NSD1: variants seen among roughly 807,000 people sequenced by gnomAD.
The protein encoded by NSD1 is nuclear receptor binding SET domain protein 1.
A neutral mutation model predicts 242.7 loss-of-function variants in NSD1; 26 were observed. The ratio of observed to expected loss-of-function variants is 0.11; its 90% CI spans 0.08 to 0.15. The LOEUF (loss-of-function observed/expected upper bound fraction) is 0.15, where lower values mean the gene tolerates loss of function less well. Ranked by LOEUF, NSD1 falls within the 10% of genes least tolerant of loss-of-function variation. The pLI, the probability that NSD1 is intolerant of heterozygous loss-of-function variation, is 1.00. For missense variants in NSD1, 2,495 were observed against 3,272.8 expected (o/e 0.76, Z 5.80); for synonymous variants, 1,106 against 1,178.1 (o/e 0.94, Z 1.25).
At position 177,136,040 on chromosome 5, in the gene NSD1, T is replaced by A. The variant is rs1315054304; in HGVS notation, c.927+10T>A. 3 of 1,610,766 alleles carry A rather than the reference T, an allele frequency of 1.9e-6. No homozygotes were observed. Among genetic ancestry groups the A allele is most frequent in the Non-Finnish European group, 2.5e-6 (3 of 1,177,280 alleles). On this transcript the variant is annotated intron_variant, in intron 2 of 22. Coordinates refer to ENST00000439151, the MANE Select transcript of NSD1 (RefSeq NM_022455.5). The stretch of plus-strand genomic sequence containing the variant: ...ACAGGAATTGCCATTTGTAAGCAGT[T>A]TTTGGTACAACTTAAATATATACAT...
intron 22 of NSD1, among the ~76,000 whole-genome samples, chr5:177,293,480 A>G (rs76756800): frequency 0.048 from 7,309 of 151,920 alleles, 196 homozygotes; most frequent in South Asian, 0.082. Context: ...GCAAAAATAT[A>G]AAAGTAATAT....
chr5:177,221,760 C>T (rs760949330), intron 5 of NSD1, among the ~76,000 whole-genome samples: 36 of 151,892 alleles, frequency 2.4e-4, no homozygotes, highest in Admixed American at 3.9e-4. Flanking sequence ...TTAGCCACTG[C>T]GCCTGCCCTG....
chr5:177,141,300 G>A (rs908482536), intron 2 of NSD1, among the ~76,000 whole-genome samples: 57 of 145,962 alleles, frequency 3.9e-4, no homozygotes, highest in Non-Finnish European at 7.3e-4. Flanking sequence ...GATTACAGGC[G>A]TGAGCCACCG....
chr5:177,292,489 CATAG>C (rs1255733774), intron 22 of NSD1, among the ~76,000 whole-genome samples: 2 of 152,072 alleles, frequency 1.3e-5, no homozygotes, highest in African/African-American at 2.4e-5. Context: ...ATCTTTCACA[CATAG>C]ATAGAGGAGC....
At chr5:177,293,363 T>G (rs1277037291) in intron 22 of NSD1, among the ~76,000 whole-genome samples, 1 of 152,198 alleles carries the variant, frequency 6.6e-6, no homozygotes, top group Non-Finnish European at 1.5e-5. Flanking sequence ...TTTCATGATT[T>G]TATATCTTTT....
In NSD1 at chr5:177,293,533, C is replaced by G. The variant is rs577178982; in HGVS notation, c.6464-299C>G. 2.4e-4 allele frequency among the ~76,000 whole-genome samples: 32 copies of G among 133,726 alleles called. 1 individual carries two copies. The highest frequency in any genetic ancestry group is 6.6e-5 in the Non-Finnish European group (4 of 60,192). The allele number at this position is 133,726 out of a possible 152,430, so 87.7% of individuals were successfully genotyped here. ...AGAAACTTTTTGTTGTCCCCACCCCCGCCCCCCCCTCACCTCCTTGCTGGA... is the reference window on the plus strand; with the variant it reads ...AGAAACTTTTTGTTGTCCCCACCCCGGCCCCCCCCTCACCTCCTTGCTGGA... On this transcript the variant is annotated intron_variant, in intron 22 of 22. Coordinates refer to ENST00000439151, the MANE Select transcript of NSD1 (RefSeq NM_022455.5).
Position 177,210,985 on chromosome 5 carries a change from C to T in NSD1, c.2586C>T (p.Ser862=), listed in dbSNP as rs752997132. Residue 862 remains serine, a synonymous_variant, in exon 5 of 23, where the codon TCC becomes TCT. Transcript: ENST00000439151. ...CAGCAGTGGTGAAACATGTTTTATC[C>T]GAGTTGAAGGAACTCTCTTACAGAT... ...IETAVVKHVL[S]ELKELSYRSL... is the part of the protein sequence containing the mutation. The T allele has an allele frequency of 1.1e-5, 17 of 1,613,966 alleles. No homozygotes were observed. In the African/African-American group the frequency reaches 1.3e-4, roughly 13 times the overall value.
intron 5 of NSD1, among the ~76,000 whole-genome samples, chr5:177,218,521 A>G (rs1581351017): frequency 1.3e-5 from 2 of 149,434 alleles, no homozygotes; most frequent in Admixed American, 1.3e-4. Context: ...CTATTTTTGA[A>G]CCATCGTTGC....
chr5:177,181,362 G>C (rs1760654738), intron 2 of NSD1, among the ~76,000 whole-genome samples: 1 of 149,486 alleles, frequency 6.7e-6, no homozygotes, highest in African/African-American at 2.5e-5. Flanking sequence ...ATGCTACAGA[G>C]AAATCAGGAA....
intron 5 of NSD1, among the ~76,000 whole-genome samples, chr5:177,216,952 T>TG (rs1202837323): frequency 2.6e-5 from 4 of 151,860 alleles, no homozygotes; most frequent in African/African-American, 4.8e-5. Context: ...CCTTCAGTTT[T>TG]TTTTTTTTTT....
chr5:177,289,493 T>C (rs1759606254), intron 21 of NSD1, among the ~76,000 whole-genome samples: 2 of 152,160 alleles, frequency 1.3e-5, no homozygotes, highest in Admixed American at 6.5e-5. Context: ...TGCTGTGAAA[T>C]AGGACCTTAT....
intron 3 of NSD1, among the ~76,000 whole-genome samples, chr5:177,196,253 A>G (rs149776791): frequency 1.9e-3 from 294 of 152,304 alleles, no homozygotes; most frequent in African/African-American, 6.6e-3. Flanking sequence ...TGTTATTTTT[A>G]TCTCAGAAAC....
chr5:177,252,962 G>A (rs1756127313), intron 12 of NSD1, among the ~76,000 whole-genome samples: 1 of 152,086 alleles, frequency 6.6e-6, no homozygotes, highest in Non-Finnish European at 1.5e-5. Context: ...AATGGTCAGT[G>A]ACACTACCTG....
intron 3 of NSD1, among the ~76,000 whole-genome samples, chr5:177,201,895 G>A (rs1342463143): frequency 6.6e-6 from 1 of 151,598 alleles, no homozygotes; most frequent in Non-Finnish European, 1.5e-5. Context: ...AGCCTGGCGC[G>A]GTGGCTCACG....
In NSD1 at chr5:177,200,356, G is replaced by A. The variant is rs544760362; in HGVS notation, c.1064-3764G>A. On this transcript the variant is annotated intron_variant, in intron 3 of 22. Coordinates refer to ENST00000439151, the MANE Select transcript of NSD1 (RefSeq NM_022455.5). ...ACTCCTGACCTTAAGTGATCCTCCC[G>A]CCTCGGCCTCCCAAGGTGCTGTCCT... 4.6e-5 allele frequency among the ~76,000 whole-genome samples: 7 copies of A among 152,054 alleles called. No individual in the cohort carries two copies. In the South Asian group the frequency reaches 1.2e-3, roughly 27 times the overall value.
chr5:177,150,258 T>G (rs950540576), intron 2 of NSD1, among the ~76,000 whole-genome samples: 3 of 152,156 alleles, frequency 2.0e-5, no homozygotes, highest in South Asian at 4.2e-4. Context: ...CTCAGCCTCC[T>G]GTGTAGCTGG....
chr5:177,152,809 C>T (rs1450916792), intron 2 of NSD1, among the ~76,000 whole-genome samples: 1 of 150,968 alleles, frequency 6.6e-6, no homozygotes, highest in African/African-American at 2.4e-5. Flanking sequence ...CTCAGCCTCC[C>T]GAGTAGCTGA....
intron 11 of NSD1, among the ~76,000 whole-genome samples, chr5:177,248,564 G>A (rs1032528401): frequency 2.6e-5 from 4 of 152,074 alleles, no homozygotes; most frequent in Non-Finnish European, 4.4e-5. Flanking sequence ...TATATGCCGC[G>A]AAACAAGTCT....
intron 17 of NSD1, among the ~76,000 whole-genome samples, chr5:177,279,645 G>T (rs1264518891): frequency 8.3e-5 from 9 of 108,498 alleles, no homozygotes; most frequent in Non-Finnish European, 1.5e-4. Flanking sequence ...TTTTGAGACG[G>T]AGTCTCGCCC....
Sources: allele counts gnomAD v4.1 joint callset (sites outside exome capture counted in the v4.1 genomes callset), GRCh38; gene constraint gnomAD v4.1.1; transcripts MANE v1.5; gene names NCBI Gene and HGNC (gene_info 2026-07-23, HGNC 2026-07-21).